Variants in MYO1E observed in about 807,000 individuals in gnomAD.
MYO1E encodes unconventional myosin-Ie.
A neutral mutation model predicts 151.1 loss-of-function variants in MYO1E; 68 were observed. The ratio of observed to expected loss-of-function variants is 0.45; its 90% confidence interval spans 0.37 to 0.55. The LOEUF is 0.55. Among genes scored for constraint, MYO1E ranks in the 20% least tolerant of loss-of-function variants. MYO1E has a pLI of 0.00. For missense variants in MYO1E, 1,363 were observed against 1,389.3 expected (o/e 0.98, Z 0.30); for synonymous variants, 601 against 501.7 (o/e 1.20, Z -2.64).
In MYO1E at chr15:59,178,453, G is replaced by T. The variant is rs1388414192; in HGVS notation, c.1989C>A (p.Asn663Lys). The stretch of plus-strand genomic sequence containing the variant: ...CCAGCTGGAACTGGTCGCTGTCCAT[G>T]TTGACCGACTGCAGCAGGTGCAGGA... ...QGVLHLLQSV[N>K]MDSDQFQLGR... The change falls in exon 19 of 28, where the codon AAC (asparagine) becomes AAA (lysine). Residue 663 changes from asparagine to lysine, a missense_variant. Coordinates refer to ENST00000288235, the MANE Select transcript of MYO1E (RefSeq NM_004998.4). The T allele has an allele frequency of 1.2e-6, 2 of 1,614,218 alleles. No individual in the cohort carries two copies. The highest frequency in any genetic ancestry group is 1.1e-5 in the South Asian group (1 of 91,078).
At chr15:59,358,901 T>TATTA (rs2080869922) in intron 1 of MYO1E, among the ~76,000 whole-genome samples, 1 of 152,214 alleles carries the variant, frequency 6.6e-6, no homozygotes, top group Non-Finnish European at 1.5e-5. Context: ...ACAACTCTGC[T>TATTA]ATTAACTTGC....
intron 19 of MYO1E, among the ~76,000 whole-genome samples, 198 bp from the exon 20 acceptor site, chr15:59,174,438 T>C (rs1449260898): frequency 6.6e-5 from 10 of 152,226 alleles, no homozygotes; most frequent in African/African-American, 1.7e-4. Context: ...TATACCTTTT[T>C]TTCTTTTAAT....
chr15:59,216,547 T>C (rs1301536796), intron 10 of MYO1E, among the ~76,000 whole-genome samples: 1 of 130,924 alleles, frequency 7.6e-6, no homozygotes, highest in South Asian at 2.5e-4. Flanking sequence ...GTGATATACA[T>C]ATATAAATAT....
intron 16 of MYO1E, among the ~76,000 whole-genome samples, chr15:59,200,347 A>G (rs2079793329): frequency 1.3e-5 from 2 of 152,186 alleles, no homozygotes; most frequent in South Asian, 4.2e-4. Flanking sequence ...CGCAGACATT[A>G]ATATCTGGGC....
chr15:59,150,240 T>C (rs2079467820), intron 26 of MYO1E, among the ~76,000 whole-genome samples: 1 of 152,182 alleles, frequency 6.6e-6, no homozygotes, highest in Admixed American at 6.5e-5. Context: ...TGTGAAGGTG[T>C]CCTCTCCTTC....
chr15:59,337,161 T>C (rs2140426565), intron 1 of MYO1E, among the ~76,000 whole-genome samples: 1 of 152,354 alleles, frequency 6.6e-6, no homozygotes, highest in East Asian at 1.9e-4. Flanking sequence ...TTATTATGAA[T>C]ATTTCCGTTT....
chr15:59,330,142 A>G (rs753365247), intron 1 of MYO1E, among the ~76,000 whole-genome samples: 15 of 152,298 alleles, frequency 9.8e-5, no homozygotes, highest in African/African-American at 2.4e-4. Context: ...GCCACGGTCA[A>G]TGAAAAACCA....
chr15:59,208,913 G>T (rs2079858972), intron 13 of MYO1E, 65 bp from the exon 14 acceptor site: 1 of 1,592,432 alleles, frequency 6.3e-7, no homozygotes. Context: ...TGCTTATCAG[G>T]TCCTTTCTTA....
chr15:59,259,769 C>T (rs78094881), intron 3 of MYO1E, among the ~76,000 whole-genome samples: 1,660 of 152,308 alleles, frequency 0.011, 34 homozygotes, highest in African/African-American at 0.038. Context: ...TGTGGTCTTA[C>T]TGAACCTCTC....
At chr15:59,176,412 C>T (rs1261335495) in intron 19 of MYO1E, among the ~76,000 whole-genome samples, 1 of 149,040 alleles carries the variant, frequency 6.7e-6, no homozygotes, top group African/African-American at 2.5e-5. Flanking sequence ...AGAACATTTA[C>T]TATTAAGGTG....
chr15:59,312,958 T>C lies in MYO1E; in HGVS notation c.4-40509A>G, dbSNP rs555129352. Among the ~76,000 whole-genome samples, 22 of 152,270 alleles carry C rather than the reference T, an allele frequency of 1.4e-4. No individual in the cohort carries two copies. The South Asian group carries it at 4.4e-3, about 30-fold the overall frequency. The stretch of plus-strand genomic sequence containing the variant: ...CAGGAAGCTGAGGCAGGAGAGTCGC[T>C]TGAACCCGGGAGGCGGAGATCACGC... On this transcript the variant is annotated intron_variant, in intron 1 of 27. Transcript: ENST00000288235.
intron 1 of MYO1E, among the ~76,000 whole-genome samples, chr15:59,358,135 A>G (rs975743127): frequency 1.3e-5 from 2 of 152,190 alleles, no homozygotes; most frequent in Non-Finnish European, 2.9e-5. Context: ...AGAGCAGACA[A>G]TGCTTGCCAC....
chr15:59,138,628 G>C (rs1282679942), intron 26 of MYO1E, among the ~76,000 whole-genome samples: 2 of 152,136 alleles, frequency 1.3e-5, no homozygotes, highest in Non-Finnish European at 2.9e-5. Flanking sequence ...GGAAATGTGG[G>C]AGACACATAT....
intron 24 of MYO1E, 143 bp downstream of exon 24, chr15:59,160,930 C>T: frequency 8.6e-7 from 1 of 1,163,500 alleles, no homozygotes; most frequent in Non-Finnish European, 1.3e-6. Flanking sequence ...TGAAATGTTC[C>T]ATTCTGAAGA....
chr15:59,318,676 G>A (rs2080605013), intron 1 of MYO1E, among the ~76,000 whole-genome samples: 1 of 152,214 alleles, frequency 6.6e-6, no homozygotes, highest in African/African-American at 2.4e-5. Context: ...CTACCAGAAT[G>A]TTGACTAAAA....
intron 25 of MYO1E, among the ~76,000 whole-genome samples, chr15:59,157,766 T>C (rs1421663771): frequency 6.6e-6 from 1 of 152,240 alleles, no homozygotes; most frequent in East Asian, 1.9e-4. Context: ...GAAAAAAATT[T>C]CTGCTGGTTT....
At chr15:59,151,218 G>C (rs2079476594) in intron 26 of MYO1E, among the ~76,000 whole-genome samples, 1 of 151,860 alleles carries the variant, frequency 6.6e-6, no homozygotes, top group Non-Finnish European at 1.5e-5. Context: ...ACGAGGTCAA[G>C]AGATCGAGAC....
intron 1 of MYO1E, chr15:59,359,887 A>G (rs1375229164): frequency 6.6e-6 from 1 of 152,212 alleles, no homozygotes; most frequent in African/African-American, 2.4e-5. Flanking sequence ...CTTAAAGGGA[A>G]GCTATTTGCT....
intron 1 of MYO1E, among the ~76,000 whole-genome samples, chr15:59,329,589 G>C (rs1192958228): frequency 6.6e-6 from 1 of 152,198 alleles, no homozygotes; most frequent in African/African-American, 2.4e-5. Flanking sequence ...AGGGTGGTGA[G>C]CAGCCCACCC....
Sources: gnomAD v4.1 joint callset for allele counts (sites outside exome capture counted in the v4.1 genomes callset) on GRCh38, gnomAD v4.1.1 for gene constraint, MANE v1.5 for transcripts, NCBI Gene and HGNC (gene_info 2026-07-23, HGNC 2026-07-21) for gene names.